Variants in LRCH3 observed in about 807,000 individuals in gnomAD.
LRCH3 encodes the protein DISP complex protein LRCH3.
In LRCH3, 68 loss-of-function variants were observed where a neutral mutation model predicts 104.5. The observed-to-expected ratio is 0.65, with a 90% confidence interval of 0.54 to 0.80. LRCH3 has a LOEUF of 0.80. Ranked by LOEUF, LRCH3 falls within the 30% of genes least tolerant of loss-of-function variation. LRCH3 has a pLI of 0.00. For synonymous variants in LRCH3, 344 were observed against 361.3 expected, an observed-to-expected ratio of 0.95 and a Z score of 0.54; for missense variants, 951 against 953.9, an observed-to-expected ratio of 1.00 and a Z score of 0.04.
intron 14 of LRCH3, among the ~76,000 whole-genome samples, chr3:197,858,582 C>G (rs772048614): frequency 6.6e-6 from 1 of 152,058 alleles, no homozygotes; most frequent in Non-Finnish European, 1.5e-5. Context: ...TTTCAGAAAT[C>G]ATGCCTCTCA....
In LRCH3 at chr3:197,870,141, CAT is replaced by C. The variant is rs1200151734; in HGVS notation, c.1874-16_1874-15del. ...CACTGCCAGTTGCCTTTCTGTCTTA[CAT>C]ATTAATATTTTTATAGGTCATGCTT... is the stretch of plus-strand genomic sequence containing the variant. On this transcript the variant is annotated splice_polypyrimidine_tract_variant and intron_variant, in intron 17 of 20. Coordinates refer to ENST00000425562, the MANE Select transcript of LRCH3 (RefSeq NM_001365715.1). The C allele has an allele frequency of 6.2e-7, 1 of 1,608,750 alleles. No homozygotes were observed. The highest frequency in any genetic ancestry group is 1.1e-5 in the South Asian group (1 of 90,474).
intron 15 of LRCH3, among the ~76,000 whole-genome samples, chr3:197,863,501 C>T (rs1200422647): frequency 6.6e-6 from 1 of 152,176 alleles, no homozygotes; most frequent in African/African-American, 2.4e-5. Flanking sequence ...CCACGTGATC[C>T]ACCCACCTCA....
intron 5 of LRCH3, among the ~76,000 whole-genome samples, chr3:197,827,243 A>G (rs141122749): frequency 3.0e-4 from 46 of 152,124 alleles, no homozygotes; most frequent in Non-Finnish European, 5.9e-4. Flanking sequence ...TGGAAGCATC[A>G]GATAAATCAT....
At chr3:197,836,998 T>A (rs886634600) in intron 9 of LRCH3, among the ~76,000 whole-genome samples, 29 of 151,970 alleles carry the variant, frequency 1.9e-4, no homozygotes, top group Non-Finnish European at 3.4e-4. Flanking sequence ...TTCTTTTTTT[T>A]AAAAAAAGGG....
intron 9 of LRCH3, among the ~76,000 whole-genome samples, chr3:197,838,443 AGATGCTATTTCTTG>A (rs1737238811): frequency 1.4e-5 from 2 of 141,144 alleles, no homozygotes; most frequent in African/African-American, 6.2e-5. Context: ...TCTTGGAGGT[AGATGCTATTTCTTG>A]GAAGTAGATG....
intron 9 of LRCH3, among the ~76,000 whole-genome samples, chr3:197,838,415 A>G (rs1014476280): frequency 1.3e-5 from 2 of 152,204 alleles, no homozygotes; most frequent in African/African-American, 4.8e-5. Flanking sequence ...GTTTCTAATG[A>G]TGTGTGATAT....
At chr3:197,827,134 A>G (rs1457235390) in intron 5 of LRCH3, 120 bp downstream of exon 5, 5 of 1,485,322 alleles carry the variant, frequency 3.4e-6, no homozygotes, top group Middle Eastern at 2.2e-4. Flanking sequence ...CATCAGGTAA[A>G]CCACAGTGGA....
At chr3:197,805,287 CTT>C (rs750499352) in intron 1 of LRCH3, among the ~76,000 whole-genome samples, 11 of 152,164 alleles carry the variant, frequency 7.2e-5, no homozygotes, top group Non-Finnish European at 1.5e-4. Context: ...TCCTTGATAA[CTT>C]TTCCAGTAAG....
Position 197,883,757 on chromosome 3 carries a change from T to C in LRCH3, c.*91T>C. ...CCAGCTGTCTGCTTAAACAAAGCTC[T>C]TGTGTGTTCTCAGAAGGGACCGTTC... On this transcript the variant is annotated 3_prime_UTR_variant, in exon 21 of 21. Coordinates refer to ENST00000425562, the MANE Select transcript of LRCH3 (RefSeq NM_001365715.1). The surrounding 1 kb of genome is among the most constrained non-coding windows in gnomAD (Gnocchi z 4.2). The C allele has an allele frequency of 7.2e-7, 1 of 1,379,660 alleles. No homozygotes were observed. The highest frequency in any genetic ancestry group is 9.6e-7 in the Non-Finnish European group (1 of 1,041,582). The allele number at this position is 1,379,660 out of a possible 1,614,324, so 85.5% of individuals were successfully genotyped here. A position where few individuals can be genotyped will look rare whatever the true frequency, so the allele number is the denominator to read the frequency against.
At chr3:197,823,351 C>G (rs372837840) in intron 4 of LRCH3, 1 of 152,150 alleles carries the variant, frequency 6.6e-6, no homozygotes, top group Non-Finnish European at 1.5e-5. Flanking sequence ...CCGCCTGCCT[C>G]AGCCTCCCAA....
At chr3:197,852,143 G>A (rs958488846) in intron 12 of LRCH3, among the ~76,000 whole-genome samples, 8 of 152,182 alleles carry the variant, frequency 5.3e-5, no homozygotes, top group African/African-American at 1.9e-4. Flanking sequence ...GACATCACAC[G>A]TTGGAGAAAA....
At chr3:197,833,774 C>G (rs893477576) in intron 8 of LRCH3, among the ~76,000 whole-genome samples, 6 of 152,082 alleles carry the variant, frequency 3.9e-5, no homozygotes, top group African/African-American at 1.4e-4. Flanking sequence ...ATATGTGGTT[C>G]ACCTTCATGG....
chr3:197,879,765 C>G (rs1713433866), intron 20 of LRCH3, among the ~76,000 whole-genome samples: 1 of 152,076 alleles, frequency 6.6e-6, no homozygotes, highest in Non-Finnish European at 1.5e-5. Context: ...TTTTGATGTA[C>G]ATGGCTTTCT....
chr3:197,799,719 T>G (rs933804131), intron 1 of LRCH3, among the ~76,000 whole-genome samples: 1 of 151,732 alleles, frequency 6.6e-6, no homozygotes, highest in African/African-American at 2.4e-5. Context: ...ATACAAAAAA[T>G]TAGCTGGCTG....
At chr3:197,791,733 C>T (rs1443760962) in intron 1 of LRCH3, among the ~76,000 whole-genome samples, 193 bp downstream of exon 1, 1 of 151,450 alleles carries the variant, frequency 6.6e-6, no homozygotes, top group Non-Finnish European at 1.5e-5. Flanking sequence ...GGAGAGGCGG[C>T]GGGCGGCGGC....
chr3:197,881,539 C>T (rs527914324), intron 20 of LRCH3: 145 of 985,166 alleles, frequency 1.5e-4, no homozygotes, highest in East Asian at 1.0e-3. Context: ...CTAACATATT[C>T]AAACCTTCTT....
intron 18 of LRCH3, among the ~76,000 whole-genome samples, chr3:197,870,695 G>A (rs1472198919): frequency 6.6e-6 from 1 of 151,400 alleles, no homozygotes; most frequent in African/African-American, 2.4e-5. Flanking sequence ...TGCTGGGATT[G>A]CAGGCGTGAG....
At chr3:197,865,298 C>T (rs2109489268) in intron 15 of LRCH3, 125 bp from the exon 16 acceptor site, 1 of 648,874 alleles carries the variant, frequency 1.5e-6, no homozygotes, top group Non-Finnish European at 2.6e-6. Context: ...CAAATTCTCA[C>T]CTCTAGACTT....
chr3:197,858,191 G>T (rs2109449644), intron 14 of LRCH3, among the ~76,000 whole-genome samples: 1 of 152,178 alleles, frequency 6.6e-6, no homozygotes, highest in Non-Finnish European at 1.5e-5. Flanking sequence ...AAAATTCTAT[G>T]TAATACTTTA....
Sources: allele counts gnomAD v4.1 joint callset (sites outside exome capture counted in the v4.1 genomes callset), GRCh38; gene constraint gnomAD v4.1.1; non-coding constraint Gnocchi (gnomAD v3.1); transcripts MANE v1.5; gene names NCBI Gene and HGNC (gene_info 2026-07-23, HGNC 2026-07-21).